Variants in NRG1 observed in about 807,000 individuals in gnomAD.
NRG1 encodes neuregulin 1.
In NRG1, 18 loss-of-function variants were observed where a neutral mutation model predicts 63.8. The observed-to-expected ratio is 0.28, with a 90% confidence interval of 0.19 to 0.42. The LOEUF (loss-of-function observed/expected upper bound fraction) is 0.42, where lower values mean the gene tolerates loss of function less well. Among genes scored for constraint, NRG1 ranks in the 10% least tolerant of loss-of-function variants. NRG1 has a pLI of 1.00. For synonymous variants in NRG1, 302 were observed against 301.3 expected, an observed-to-expected ratio of 1.00 and a Z score of -0.02; for missense variants, 762 against 814.7, an observed-to-expected ratio of 0.94 and a Z score of 0.79.
At chr8:31,848,442 A>G (rs886590366) in intron 1 of NRG1, among the ~76,000 whole-genome samples, 7 of 152,136 alleles carry the variant, frequency 4.6e-5, no homozygotes, top group Admixed American at 1.3e-4. Flanking sequence ...CATTGGTGTG[A>G]ATTGGGCAAT....
chr8:32,638,942 A>T (rs1481305013), intron 5 of NRG1, among the ~76,000 whole-genome samples: 2 of 152,158 alleles, frequency 1.3e-5, no homozygotes, highest in Admixed American at 6.5e-5. Context: ...AAGAATGCCA[A>T]ATCAGTTCTG....
intron 1 of NRG1, among the ~76,000 whole-genome samples, chr8:31,836,659 C>T (rs1373431196): frequency 2.0e-5 from 3 of 152,010 alleles, no homozygotes; most frequent in African/African-American, 4.8e-5. Context: ...TTCTATTGCA[C>T]GTACCAACTG....
At chr8:31,973,803 T>C (rs2129629411) in intron 1 of NRG1, among the ~76,000 whole-genome samples, 1 of 152,332 alleles carries the variant, frequency 6.6e-6, no homozygotes. Flanking sequence ...TTGTCTTTAA[T>C]GAACCAAATT....
At chr8:32,718,488 A>C (rs1278079749) in intron 5 of NRG1, among the ~76,000 whole-genome samples, 9 of 152,092 alleles carry the variant, frequency 5.9e-5, no homozygotes, top group Non-Finnish European at 4.4e-5. Flanking sequence ...TGCAGGAGAG[A>C]CCATTAGTTT....
At chr8:31,666,158 AT>A (rs1806519367) in intron 1 of NRG1, among the ~76,000 whole-genome samples, 1 of 152,220 alleles carries the variant, frequency 6.6e-6, no homozygotes, top group Non-Finnish European at 1.5e-5. Flanking sequence ...GTAGGGAGCC[AT>A]TGAGCAGATT....
intron 2 of NRG1, among the ~76,000 whole-genome samples, chr8:32,598,769 T>C (rs1843801425): frequency 6.6e-6 from 1 of 152,122 alleles, no homozygotes; most frequent in African/African-American, 2.4e-5. Context: ...AATTGGGTAT[T>C]TTGTCATTTC....
chr8:31,941,264 A>G (rs1801706658), intron 1 of NRG1, among the ~76,000 whole-genome samples: 1 of 152,164 alleles, frequency 6.6e-6, no homozygotes, highest in African/African-American at 2.4e-5. Context: ...AATAAATGTG[A>G]TACACCACTT....
At chr8:31,898,765 A>G (rs1377711947) in intron 1 of NRG1, among the ~76,000 whole-genome samples, 1 of 152,198 alleles carries the variant, frequency 6.6e-6, no homozygotes, top group Non-Finnish European at 1.5e-5. Flanking sequence ...ATGACAGGTA[A>G]AGATGATGGG....
intron 1 of NRG1, among the ~76,000 whole-genome samples, chr8:31,722,231 A>G (rs140830847): frequency 6.6e-6 from 1 of 152,214 alleles, no homozygotes; most frequent in Non-Finnish European, 1.5e-5. Context: ...ATATCATGGT[A>G]TACTACTGCG....
At chr8:32,623,779 T>C (rs1848726467) in intron 5 of NRG1, among the ~76,000 whole-genome samples, 1 of 152,212 alleles carries the variant, frequency 6.6e-6, no homozygotes. Flanking sequence ...CTTGCGAGTA[T>C]AATTTATTTC....
chr8:32,703,072 T>C (rs925297836), intron 5 of NRG1, among the ~76,000 whole-genome samples: 21 of 152,200 alleles, frequency 1.4e-4, no homozygotes, highest in African/African-American at 5.1e-4. Flanking sequence ...ATTATATTTG[T>C]TTACAGAAAT....
chr8:31,702,781 T>C (rs930762200), intron 1 of NRG1, among the ~76,000 whole-genome samples: 4 of 152,170 alleles, frequency 2.6e-5, no homozygotes, highest in Non-Finnish European at 5.9e-5. Context: ...AAAAATCTTA[T>C]TGTCACACCC....
chr8:32,046,975 G>A (rs1342046419), intron 1 of NRG1, among the ~76,000 whole-genome samples: 1 of 151,964 alleles, frequency 6.6e-6, no homozygotes. Context: ...ATTGCTTTTA[G>A]ATTATCCTCT....
intron 1 of NRG1, among the ~76,000 whole-genome samples, chr8:32,500,253 G>C (rs1827703940): frequency 6.6e-6 from 1 of 152,198 alleles, no homozygotes; most frequent in Non-Finnish European, 1.5e-5. Context: ...AAGCTCTTGA[G>C]AGTAGTAAGC....
chr8:32,126,451 C>T (rs368911262), intron 1 of NRG1, among the ~76,000 whole-genome samples: 1 of 151,856 alleles, frequency 6.6e-6, no homozygotes, highest in African/African-American at 2.4e-5. Flanking sequence ...AATGTCTCTC[C>T]TCACCTCCCA....
At chr8:31,720,856 T>C (rs141792274) in intron 1 of NRG1, among the ~76,000 whole-genome samples, 175 of 152,290 alleles carry the variant, frequency 1.1e-3, no homozygotes, top group African/African-American at 4.0e-3. Context: ...AAATTATTCC[T>C]TGAACAATAT....
At chr8:32,333,659 T>C (rs1362815875) in intron 1 of NRG1, among the ~76,000 whole-genome samples, 1 of 152,190 alleles carries the variant, frequency 6.6e-6, no homozygotes, top group Non-Finnish European at 1.5e-5. Context: ...TCTTTTACAT[T>C]TTAACTGGTG....
intron 1 of NRG1, among the ~76,000 whole-genome samples, chr8:31,833,549 T>C (rs1036202277): frequency 1.3e-5 from 2 of 152,198 alleles, no homozygotes; most frequent in African/African-American, 4.8e-5. Context: ...CTACAATGCT[T>C]GATTCCTTGG....
intron 1 of NRG1, among the ~76,000 whole-genome samples, chr8:32,175,620 C>T (rs1840631718): frequency 6.6e-6 from 1 of 152,158 alleles, no homozygotes; most frequent in South Asian, 2.1e-4. Flanking sequence ...AGCTGATAGG[C>T]AACTTCAGCA....
Sources: gnomAD v4.1 joint callset for allele counts (sites outside exome capture counted in the v4.1 genomes callset) on GRCh38, gnomAD v4.1.1 for gene constraint, MANE v1.5 for transcripts, NCBI Gene and HGNC (gene_info 2026-07-23, HGNC 2026-07-21) for gene names.